The following EBF3 variants were observed in gnomAD, a reference collection of about 807,000 sequenced individuals.
The protein encoded by EBF3 is EBF transcription factor 3.
A neutral mutation model predicts 77.1 loss-of-function variants in EBF3; 18 were observed. The ratio of observed to expected loss-of-function variants is 0.23; its 90% CI spans 0.16 to 0.35. The LOEUF (loss-of-function observed/expected upper bound fraction) is 0.35, where lower values mean the gene tolerates loss of function less well. Ranked by LOEUF, EBF3 falls within the 10% of genes least tolerant of loss-of-function variation. The probability of loss-of-function intolerance (pLI) is 1.00; values close to 1 mark genes in which losing one functional copy is unlikely to be tolerated. For missense variants in EBF3, 558 were observed against 860.0 expected (o/e 0.65, Z 4.39); for synonymous variants, 350 against 343.5 (o/e 1.02, Z -0.21).
intron 6 of EBF3, among the ~76,000 whole-genome samples, chr10:129,900,600 G>C (rs1209367585): frequency 1.3e-5 from 2 of 152,232 alleles, no homozygotes; most frequent in Non-Finnish European, 2.9e-5. Context: ...TGATGCCAAA[G>C]GGCCTCCAGT....
intron 15 of EBF3, among the ~76,000 whole-genome samples, 177 bp from the exon 16 acceptor site, chr10:129,839,372 G>T (rs77498853): frequency 6.6e-6 from 1 of 152,202 alleles, no homozygotes; most frequent in Non-Finnish European, 1.5e-5. Flanking sequence ...AGGGCCACTC[G>T]CAAGTTCATG....
At chr10:129,946,149 C>A (rs975168403) in intron 6 of EBF3, among the ~76,000 whole-genome samples, 5 of 152,244 alleles carry the variant, frequency 3.3e-5, no homozygotes, top group African/African-American at 1.2e-4. Context: ...AATCACATGC[C>A]CGCGGATTCC....
At chr10:129,916,605 G>A (rs961086004) in intron 6 of EBF3, among the ~76,000 whole-genome samples, 1 of 152,236 alleles carries the variant, frequency 6.6e-6, no homozygotes, top group African/African-American at 2.4e-5. Flanking sequence ...GCTTGTTGCA[G>A]TGGCCCAGGT....
chr10:129,890,373 G>A (rs1032345072), intron 6 of EBF3, among the ~76,000 whole-genome samples: 3 of 152,202 alleles, frequency 2.0e-5, no homozygotes, highest in African/African-American at 7.2e-5. Context: ...AGCTGTTGCT[G>A]CACCAGGATC....
chr10:129,963,484 C>T lies in EBF3; in HGVS notation c.174G>A (p.Pro58=), dbSNP rs754606117. The change falls in exon 2 of 17, where the codon CCG becomes CCA. Residue 58 remains proline, a synonymous_variant. Transcript: ENST00000440978. The surrounding 1 kb of genome is among the most constrained non-coding windows in gnomAD (Gnocchi z 7.1). ...AATTGGATTTCCGGAGGTTGGAAGG[C>T]GGCTGCTTCTCGAAGTGCGCCCGCG... ...GLARAHFEKQ[P]PSNLRKSNFF... The T allele has an allele frequency of 3.8e-6, 6 of 1,579,716 alleles. No individual in the cohort carries two copies. The South Asian group carries it at 5.7e-5, about 15-fold the overall frequency.
chr10:129,890,394 G>A (rs907539646), intron 6 of EBF3, among the ~76,000 whole-genome samples: 4 of 152,170 alleles, frequency 2.6e-5, no homozygotes, highest in Non-Finnish European at 4.4e-5. Context: ...CCCAAGGCCC[G>A]GAGGGACTCC....
At position 129,943,400 on chromosome 10, in the gene EBF3, C is replaced by T. The variant is rs1056434499; in HGVS notation, c.554+13858G>A. On this transcript the variant is annotated intron_variant, in intron 6 of 16. Transcript: ENST00000440978. This position sits in a 1 kb window ranked among gnomAD's most constrained non-coding sequence, Gnocchi z 8.8. ...AAGCACAAGAAGGTTGTCTTATAGG[C>T]TTGGCTGGATAATTTCATTTTAAAA... 2.0e-5 allele frequency among the ~76,000 whole-genome samples: 3 copies of T among 152,212 alleles called. No homozygotes were observed. Among genetic ancestry groups the T allele is most frequent in the East Asian group, 1.9e-4 (1 of 5,200 alleles).
rs543737161 is a variant in EBF3 at position 129,937,669 on chromosome 10, G to T, written c.554+19589C>A. Among the ~76,000 whole-genome samples the T allele has an allele frequency of 1.6e-3, 249 of 152,184 alleles. 2 individuals carry two copies. Among genetic ancestry groups the T allele is most frequent in the African/African-American group, 5.1e-3 (210 of 41,534 alleles). Reference sequence around the variant, plus strand: ...GTGCCCACGCAGCACCAGAGACACCGCTGGGGACTGCAGGTCACATCTGTG... The same window carrying T: ...GTGCCCACGCAGCACCAGAGACACCTCTGGGGACTGCAGGTCACATCTGTG... On this transcript the variant is annotated intron_variant, in intron 6 of 16. Transcript: ENST00000440978.
At chr10:129,898,509 C>G (rs766418563) in intron 6 of EBF3, among the ~76,000 whole-genome samples, 4 of 152,184 alleles carry the variant, frequency 2.6e-5, no homozygotes, top group Admixed American at 2.0e-4. Flanking sequence ...GACCGCCCCC[C>G]ACCCCAACCC....
chr10:129,911,861 G>A (rs2134297073), intron 6 of EBF3, among the ~76,000 whole-genome samples: 1 of 152,308 alleles, frequency 6.6e-6, no homozygotes, highest in South Asian at 2.1e-4. Context: ...GCCGAAGGGA[G>A]CTTTGCCAAC....
At chr10:129,838,029 G>A in intron 16 of EBF3, 69 bp from the exon 17 acceptor site, 2 of 1,595,458 alleles carry the variant, frequency 1.3e-6, no homozygotes, top group South Asian at 2.2e-5. Flanking sequence ...CGCTGACGCG[G>A]GCGGGGCTGC....
At chr10:129,871,435 C>T (rs757519343) in intron 8 of EBF3, among the ~76,000 whole-genome samples, 2 of 152,194 alleles carry the variant, frequency 1.3e-5, no homozygotes, top group Non-Finnish European at 2.9e-5. Flanking sequence ...CGACTGTGTA[C>T]ACACTGCTGG....
At chr10:129,855,210 G>A (rs530661087) in intron 10 of EBF3, among the ~76,000 whole-genome samples, 134 of 152,286 alleles carry the variant, frequency 8.8e-4, no homozygotes, top group African/African-American at 3.1e-3. Context: ...TTCGTATCGG[G>A]AATATTGTTC....
Position 129,943,879 on chromosome 10 carries a change from C to G in EBF3, c.554+13379G>C, listed in dbSNP as rs995224315. Among the ~76,000 whole-genome samples the G allele has an allele frequency of 6.6e-6, 1 of 152,210 alleles. No individual in the cohort carries two copies. Among genetic ancestry groups the G allele is most frequent in the African/African-American group, 2.4e-5 (1 of 41,454 alleles). On this transcript the variant is annotated intron_variant, in intron 6 of 16. Transcript: ENST00000440978. The surrounding 1 kb of genome is among the most constrained non-coding windows in gnomAD (Gnocchi z 8.8). ...CAGCAACGTTATGGAGGGCGCTGGC[C>G]TTCGGCGCAGACCCAGCTGAAACCG...
At chr10:129,888,222 C>T (rs1439918389) in intron 6 of EBF3, among the ~76,000 whole-genome samples, 2 of 152,214 alleles carry the variant, frequency 1.3e-5, no homozygotes, top group Non-Finnish European at 2.9e-5. Context: ...GCTCTTCCTC[C>T]GCCTTCTGGA....
rs905413321 is a variant in EBF3 at position 129,944,644 on chromosome 10, C to T, written c.554+12614G>A. Among the ~76,000 whole-genome samples, 9 of 152,162 alleles carry T rather than the reference C, an allele frequency of 5.9e-5. No homozygotes were observed. The South Asian group carries it at 8.3e-4, about 14-fold the overall frequency. On this transcript the variant is annotated intron_variant, in intron 6 of 16. Transcript: ENST00000440978. The surrounding 1 kb of genome is among the most constrained non-coding windows in gnomAD (Gnocchi z 5.1). Reference sequence around the variant, plus strand: ...AAGCTGGAGCGCCCCTCACACCACACGGTGAATCCTTGCTGCAACTGAGCC... The same window carrying T: ...AAGCTGGAGCGCCCCTCACACCACATGGTGAATCCTTGCTGCAACTGAGCC...
intron 16 of EBF3, 84 bp from the exon 17 acceptor site, chr10:129,838,044 C>T: frequency 6.5e-7 from 1 of 1,537,772 alleles, no homozygotes; most frequent in Non-Finnish European, 9.0e-7. Flanking sequence ...GGCTGCCCTT[C>T]CCCCCTATTC....
intron 6 of EBF3, among the ~76,000 whole-genome samples, chr10:129,892,445 T>G (rs996557149): frequency 6.6e-6 from 1 of 152,218 alleles, no homozygotes; most frequent in Non-Finnish European, 1.5e-5. Flanking sequence ...TTTGGGGATT[T>G]TGGTGCCACG....
chr10:129,869,054 T>C (rs1852229520), intron 8 of EBF3, among the ~76,000 whole-genome samples: 1 of 152,190 alleles, frequency 6.6e-6, no homozygotes, highest in African/African-American at 2.4e-5. Flanking sequence ...GGTTGCCAGG[T>C]GGCCTCTTCG....
Sources: allele counts gnomAD v4.1 joint callset (sites outside exome capture counted in the v4.1 genomes callset), GRCh38; gene constraint gnomAD v4.1.1; non-coding constraint Gnocchi (gnomAD v3.1); transcripts MANE v1.5; gene names NCBI Gene and HGNC (gene_info 2026-07-23, HGNC 2026-07-21).